Variants in GOLGA2 observed in about 807,000 individuals in gnomAD.
The protein encoded by GOLGA2 is golgin A2.
A neutral mutation model predicts 148.8 loss-of-function variants in GOLGA2; 49 were observed. That is an observed-to-expected ratio of 0.33 (90% confidence interval 0.26 to 0.42). The LOEUF is 0.42. Ranked by LOEUF, GOLGA2 falls within the 10% of genes least tolerant of loss-of-function variation. The pLI is 1.00. For missense variants in GOLGA2, 1,178 were observed against 1,304.6 expected (o/e 0.90, Z 1.49); for synonymous variants, 501 against 511.8 (o/e 0.98, Z 0.28).
Position 128,259,362 on chromosome 9 carries a change from A to C in GOLGA2, c.1902T>G (p.Ser634Arg), listed in dbSNP as rs144285995. The C allele has an allele frequency of 7.2e-4, 1,147 of 1,598,764 alleles. 8 individuals are homozygous for C. In the African/African-American group the frequency reaches 0.014, roughly 19 times the overall value. Residue 634 changes from serine (S) to arginine (R), a missense_variant, in exon 20 of 27, where the codon AGT becomes AGG. Transcript: ENST00000611957. ...TVELKSQEAQ[S>R]LQQQRDQYLG... ...GGTACTGGTCTCGCTGCTGCTGCAGACTTTGAGCCTCTTGGCTCTTCAGCT... is the reference window on the plus strand; with the variant it reads ...GGTACTGGTCTCGCTGCTGCTGCAGCCTTTGAGCCTCTTGGCTCTTCAGCT...
In GOLGA2 at chr9:128,271,605, G is replaced by A. The variant is rs1830951490; in HGVS notation, c.288+1180C>T. ...TGGCCACGGCCTCACCGCTCCCCCT[G>A]CCTCCCCCACTCCCCATATGGATTA... On this transcript the variant is annotated intron_variant, in intron 3 of 26. Coordinates refer to ENST00000611957, the MANE Select transcript of GOLGA2 (RefSeq NM_001366244.2). The surrounding 1 kb of genome is among the most constrained non-coding windows in gnomAD (Gnocchi z 4.4). Among the ~76,000 whole-genome samples, 1 of 151,240 alleles carries A rather than the reference G, an allele frequency of 6.6e-6. No individual in the cohort carries two copies.
rs367558166 is a variant in GOLGA2, at chr9:128,261,579, G to A, written c.1225-18C>T. ...TCCATTACCTGCAAGAATGGCCACA[G>A]AAATGAGGAAGGACTGTCACTGGTT... On this transcript the variant is annotated intron_variant, in intron 15 of 26. Coordinates refer to ENST00000611957, the MANE Select transcript of GOLGA2 (RefSeq NM_001366244.2). The surrounding 1 kb of genome is among the most constrained non-coding windows in gnomAD (Gnocchi z 5.7). The A allele has an allele frequency of 3.2e-6, 5 of 1,545,172 alleles. No homozygotes were observed. Among genetic ancestry groups the A allele is most frequent in the Non-Finnish European group, 4.5e-6 (5 of 1,117,000 alleles).
At position 128,261,040 on chromosome 9, in the gene GOLGA2, A is replaced by G; in HGVS notation, c.1420+132T>C. 1 of 753,502 alleles carries G rather than the reference A, an allele frequency of 1.3e-6. No individual in the cohort carries two copies. Among genetic ancestry groups the G allele is most frequent in the Non-Finnish European group, 2.4e-6 (1 of 424,772 alleles). 46.7% of individuals were successfully genotyped at this position (753,502 alleles called of 1,614,324 possible). On this transcript the variant is annotated intron_variant, in intron 17 of 26. Coordinates refer to ENST00000611957, the MANE Select transcript of GOLGA2 (RefSeq NM_001366244.2). This position sits in a 1 kb window ranked among gnomAD's most constrained non-coding sequence, Gnocchi z 5.7. ...GCTCATGGAGATGACGAGACTTGCCATCTCCTGGCACAGACCTCTTTCCCT... is the reference window on the plus strand; with the variant it reads ...GCTCATGGAGATGACGAGACTTGCCGTCTCCTGGCACAGACCTCTTTCCCT...
rs200228693 is a variant in GOLGA2, at chr9:128,257,319, G to A, written c.2876-38C>T. On this transcript the variant is annotated intron_variant, in intron 26 of 26. Coordinates refer to ENST00000611957, the MANE Select transcript of GOLGA2 (RefSeq NM_001366244.2). The surrounding 1 kb of genome is among the most constrained non-coding windows in gnomAD (Gnocchi z 8.0). ...AGAGGCAGGGCTCTGAGTGCCACGC[G>A]AGCCCTCCCTTACTCCTGCCTGCCC... The A allele has an allele frequency of 7.4e-5, 120 of 1,612,210 alleles. No homozygotes were observed. The South Asian group carries it at 8.8e-4, about 12-fold the overall frequency.
Position 128,260,221 on chromosome 9 carries a change from A to G in GOLGA2, c.1759-32T>C, listed in dbSNP as rs745732253. On this transcript the variant is annotated intron_variant, in intron 18 of 26. Transcript: ENST00000611957. This position sits in a 1 kb window ranked among gnomAD's most constrained non-coding sequence, Gnocchi z 4.8. The stretch of plus-strand genomic sequence containing the variant: ...AGAGAGAAGCAATCAGCGGCCACCC[A>G]CTGCAGCTGGAGACCCCAGAACTTG... The G allele has an allele frequency of 2.4e-5, 36 of 1,506,226 alleles. No homozygotes were observed. The South Asian group carries it at 3.4e-4, about 14-fold the overall frequency. 93.3% of individuals were successfully genotyped at this position (1,506,226 alleles called of 1,614,324 possible). A position where few individuals can be genotyped will look rare whatever the true frequency, so the allele number is the denominator to read the frequency against.
Position 128,262,564 on chromosome 9 carries a change from T to C in GOLGA2, c.1133A>G (p.Gln378Arg), listed in dbSNP as rs1830338391. Residue 378 changes from glutamine to arginine, a missense_variant and splice_region_variant, in exon 14 of 27, where the codon CAG (glutamine) becomes CGG (arginine). This residue lies in a region of GOLGA2 where 304 missense variants were observed against 404.1 expected (regional missense o/e 0.75). Transcript: ENST00000611957. ...KLEMTELLLQ[Q>R]FSSRCEAPDA... Reference sequence around the variant, plus strand: ...ACCCATGGGGCTGCAGCCTCTTGCCTGTTGAAGCAGGAGTTCCGTCATCTC... The same window carrying C: ...ACCCATGGGGCTGCAGCCTCTTGCCCGTTGAAGCAGGAGTTCCGTCATCTC... 24 of 1,613,858 alleles carry C rather than the reference T, an allele frequency of 1.5e-5. No homozygotes were observed. The highest frequency in any genetic ancestry group is 1.9e-5 in the Non-Finnish European group (23 of 1,179,804).
At chr9:128,265,904 G>A (rs1830566818) in intron 10 of GOLGA2, 23 bp from the exon 11 acceptor site, 1 of 1,607,040 alleles carries the variant, frequency 6.2e-7, no homozygotes, top group East Asian at 2.2e-5. Flanking sequence ...ACCCAAGCAA[G>A]TGCTGAAAAA....
In GOLGA2 at chr9:128,257,873, A is replaced by G. The variant is rs1588476304; in HGVS notation, c.2528T>C (p.Met843Thr). The stretch of plus-strand genomic sequence containing the variant: ...CTCCTTCAGGTCTGCCTTCTCCTGC[A>G]TGAGCTCCATAAAGCGGCTCTGGAA... ...EKLQSRFMELMQEKADLKERV... is the reference protein window; with the variant it reads ...EKLQSRFMELTQEKADLKERV... Residue 843 changes from methionine (M) to threonine (T), a missense_variant, in exon 24 of 27, where the codon ATG (methionine) becomes ACG (threonine). Met to Thr is a moderately conservative substitution (Grantham distance 81, BLOSUM62 -1). This residue lies in a region of GOLGA2 where 529 missense variants were observed against 521.8 expected (regional missense o/e 1.01). Coordinates refer to ENST00000611957, the MANE Select transcript of GOLGA2 (RefSeq NM_001366244.2). This position sits in a 1 kb window ranked among gnomAD's most constrained non-coding sequence, Gnocchi z 8.0. 6.2e-7 allele frequency: 1 copy of G among 1,613,992 alleles called. No individual in the cohort carries two copies. Among genetic ancestry groups the G allele is most frequent in the Non-Finnish European group, 8.5e-7 (1 of 1,179,898 alleles).
At chr9:128,264,061 A>C (rs899932328) in intron 12 of GOLGA2, among the ~76,000 whole-genome samples, 7 of 149,258 alleles carry the variant, frequency 4.7e-5, no homozygotes, top group African/African-American at 1.7e-4. Flanking sequence ...GCTACTCGGG[A>C]GGCTGAGGCA....
At chr9:128,267,777 T>C (rs961023584) in intron 6 of GOLGA2, among the ~76,000 whole-genome samples, 157 bp downstream of exon 6, 3 of 152,186 alleles carry the variant, frequency 2.0e-5, no homozygotes, top group Admixed American at 6.5e-5. Context: ...TGTGCACAAC[T>C]TCAAGGGAGA....
Position 128,268,014 on chromosome 9 carries a change from A to AG in GOLGA2, c.438-18dup. 1 of 1,611,850 alleles carries AG rather than the reference A, an allele frequency of 6.2e-7. No individual in the cohort carries two copies. The highest frequency in any genetic ancestry group is 8.5e-7 in the Non-Finnish European group (1 of 1,177,932). On this transcript the variant is annotated splice_polypyrimidine_tract_variant and intron_variant, in intron 5 of 26. Coordinates refer to ENST00000611957, the MANE Select transcript of GOLGA2 (RefSeq NM_001366244.2). ...GAGAAAGTCCTAGGGATGGAGACAC[A>AG]GGGGTCAGGGGTGCAGGTGGCTCAA...
At position 128,265,580 on chromosome 9, in the gene GOLGA2, C is replaced by T; in HGVS notation, c.933+5G>A. ...CCAGGGGACGGGGCAGGCAGTTGGA[C>T]TCACCCTGTCTGCCTTCTTCTGCTG... On this transcript the variant is annotated splice_donor_5th_base_variant and intron_variant, in intron 12 of 26. Transcript: ENST00000611957. 1 of 1,596,130 alleles carries T rather than the reference C, an allele frequency of 6.3e-7. No homozygotes were observed. Among genetic ancestry groups the T allele is most frequent in the Non-Finnish European group, 8.6e-7 (1 of 1,163,888 alleles).
In GOLGA2 at chr9:128,258,118, C is replaced by A. The variant is rs745515025; in HGVS notation, c.2370G>T (p.Val790=). Residue 790 remains valine (V), a synonymous_variant, in exon 23 of 27, where the codon GTG becomes GTT. Transcript: ENST00000611957. The surrounding 1 kb of genome is among the most constrained non-coding windows in gnomAD (Gnocchi z 6.6). ...RLRGQLKEQR[V]RCRRLAHLLA... ...GCAGGTGAGCCAGGCGCCGGCAGCG[C>A]ACCCTTTGCTCCTTCAGCTGCCCAC... is the stretch of plus-strand genomic sequence containing the variant. 3.1e-6 allele frequency: 5 copies of A among 1,609,144 alleles called. No individual in the cohort carries two copies. In the Admixed American group the frequency reaches 8.3e-5, roughly 27 times the overall value.
intron 19 of GOLGA2, 68 bp from the exon 20 acceptor site, chr9:128,259,459 G>A: frequency 9.9e-7 from 1 of 1,006,820 alleles, no homozygotes; most frequent in Non-Finnish European, 1.5e-6. Context: ...CATAAATAGG[G>A]TAGCGAGGGC....
At chr9:128,274,711 C>G (rs1831197890) in intron 1 of GOLGA2, among the ~76,000 whole-genome samples, 1 of 152,126 alleles carries the variant, frequency 6.6e-6, no homozygotes, top group Admixed American at 6.5e-5. Flanking sequence ...AGAGGACAAC[C>G]CAAGCCTCAT....
chr9:128,261,803 G>C lies in GOLGA2; in HGVS notation c.1135-46C>G. On this transcript the variant is annotated intron_variant, in intron 14 of 26. Coordinates refer to ENST00000611957, the MANE Select transcript of GOLGA2 (RefSeq NM_001366244.2). This position sits in a 1 kb window ranked among gnomAD's most constrained non-coding sequence, Gnocchi z 5.7. ...AGTTTAGATCTGGGGAGCCCAGGCCGTTCCAAATAGTGCCCCTTAAAAGGG... is the reference window on the plus strand; with the variant it reads ...AGTTTAGATCTGGGGAGCCCAGGCCCTTCCAAATAGTGCCCCTTAAAAGGG... The C allele has an allele frequency of 8.1e-7, 1 of 1,227,164 alleles. No individual in the cohort carries two copies. The highest frequency in any genetic ancestry group is 1.2e-6 in the Non-Finnish European group (1 of 827,272). The allele number at this position is 1,227,164 out of a possible 1,614,324, so 76.0% of individuals were successfully genotyped here.
In GOLGA2 at chr9:128,261,909, T is replaced by A. The variant is rs1230000970; in HGVS notation, c.1135-152A>T. The A allele has an allele frequency of 1.7e-6, 1 of 602,750 alleles. No individual in the cohort carries two copies. Among genetic ancestry groups the A allele is most frequent in the East Asian group, 2.8e-5 (1 of 36,034 alleles). 37.3% of individuals were successfully genotyped at this position (602,750 alleles called of 1,614,324 possible). On this transcript the variant is annotated intron_variant, in intron 14 of 26. Coordinates refer to ENST00000611957, the MANE Select transcript of GOLGA2 (RefSeq NM_001366244.2). The surrounding 1 kb of genome is among the most constrained non-coding windows in gnomAD (Gnocchi z 5.7). ...TTGCTTTAGAAATAAAAAATAATTT[T>A]AAAAAGATCTCAGGCCAGGCATGGT...
chr9:128,268,630 A>G (rs1260262676), intron 3 of GOLGA2, 106 bp from the exon 4 acceptor site: 4 of 665,942 alleles, frequency 6.0e-6, no homozygotes, highest in African/African-American at 5.3e-5. Flanking sequence ...CTGCAGTCAG[A>G]GTGACAGTCA....
chr9:128,257,347 C>G lies in GOLGA2; in HGVS notation c.2875+22G>C, dbSNP rs533934564. The stretch of plus-strand genomic sequence containing the variant: ...CCCTCCCTTACTCCTGCCTGCCCAC[C>G]CCTCCCGAGGGCTCTACTCACCACC... On this transcript the variant is annotated intron_variant, in intron 26 of 26. Coordinates refer to ENST00000611957, the MANE Select transcript of GOLGA2 (RefSeq NM_001366244.2). The surrounding 1 kb of genome is among the most constrained non-coding windows in gnomAD (Gnocchi z 8.0). The G allele has an allele frequency of 1.2e-6, 2 of 1,613,116 alleles. No individual in the cohort carries two copies. Among genetic ancestry groups the G allele is most frequent in the South Asian group, 2.2e-5 (2 of 91,016 alleles).
Sources: gnomAD v4.1 joint callset for allele counts (sites outside exome capture counted in the v4.1 genomes callset) on GRCh38, gnomAD v4.1.1 for gene constraint, gnomAD v4.1.1 regional missense constraint, Gnocchi (gnomAD v3.1) non-coding constraint, MANE v1.5 for transcripts, NCBI Gene and HGNC (gene_info 2026-07-23, HGNC 2026-07-21) for gene names.